WFDC1: variants seen among roughly 807,000 people sequenced by gnomAD.
WFDC1 encodes WAP four-disulfide core domain protein 1.
WFDC1 carries 39 observed loss-of-function variants against 32.9 expected under a neutral mutation model. That is an observed-to-expected ratio of 1.19 (90% CI 0.92 to 1.55). WFDC1 has a LOEUF of 1.55. WFDC1 is among the 40% of genes most tolerant of loss of function. The probability of loss-of-function intolerance (pLI) is 0.00; values close to 1 mark genes in which losing one functional copy is unlikely to be tolerated. For missense variants in WFDC1, 386 were observed against 309.5 expected (o/e 1.25, Z -1.85); for synonymous variants, 184 against 137.4 (o/e 1.34, Z -2.37).
chr16:84,318,176 C>T (rs1219068752), intron 2 of WFDC1, 96 bp from the exon 3 acceptor site: 2 of 1,108,336 alleles, frequency 1.8e-6, no homozygotes, highest in East Asian at 4.8e-5. Flanking sequence ...TGGGGAGCCT[C>T]TGTGCTGTCA....
chr16:84,319,850 C>T lies in WFDC1; in HGVS notation c.562+279C>T, dbSNP rs564868106. On this transcript the variant is annotated intron_variant, in intron 4 of 6. Coordinates refer to ENST00000219454, the MANE Select transcript of WFDC1 (RefSeq NM_021197.4). ...TGGGCGACACTGGGGTTAATTTCTTCCTATCTCTGAGCCTCAGTTTCCTCA... is the reference window on the plus strand; with the variant it reads ...TGGGCGACACTGGGGTTAATTTCTTTCTATCTCTGAGCCTCAGTTTCCTCA... Among the ~76,000 whole-genome samples the T allele has an allele frequency of 4.6e-5, 7 of 152,320 alleles. No individual in the cohort carries two copies. The East Asian group carries it at 1.2e-3, about 25-fold the overall frequency.
intron 1 of WFDC1, among the ~76,000 whole-genome samples, chr16:84,301,425 A>G (rs1231767576): frequency 2.0e-5 from 3 of 152,192 alleles, no homozygotes; most frequent in African/African-American, 4.8e-5. Context: ...GCTGGGGACA[A>G]GTGGGGCTAT....
chr16:84,305,414 A>G (rs913867525), intron 1 of WFDC1, among the ~76,000 whole-genome samples: 5 of 151,858 alleles, frequency 3.3e-5, no homozygotes, highest in African/African-American at 1.2e-4. Flanking sequence ...TCTCTTAGGA[A>G]CTCTGCGAGT....
intron 2 of WFDC1, among the ~76,000 whole-genome samples, chr16:84,315,048 C>T (rs1468125161): frequency 1.3e-5 from 2 of 152,236 alleles, no homozygotes; most frequent in African/African-American, 4.8e-5. Context: ...GCAGGCAGAC[C>T]TGCAGTTTCC....
chr16:84,311,703 T>TTTC (rs1372981764), intron 1 of WFDC1, among the ~76,000 whole-genome samples: 1 of 144,504 alleles, frequency 6.9e-6, no homozygotes, highest in East Asian at 2.0e-4. Context: ...TGCTTTTTTT[T>TTTC]TTTTTTTTTT....
intron 1 of WFDC1, among the ~76,000 whole-genome samples, chr16:84,296,003 T>C (rs999487538): frequency 2.0e-5 from 3 of 152,082 alleles, no homozygotes; most frequent in Non-Finnish European, 4.4e-5. Context: ...TATGTGCAGA[T>C]TGCAAGTGCT....
At position 84,303,336 on chromosome 16, in the gene WFDC1, C is replaced by T. The variant is rs530841239; in HGVS notation, c.144+8221C>T. ...TTCCAAAGAAGGGTAAAAGCTCCTG[C>T]ATGTGGAAGGAAGGGGGTGGTGAGC... is the stretch of plus-strand genomic sequence containing the variant. On this transcript the variant is annotated intron_variant, in intron 1 of 6. Coordinates refer to ENST00000219454, the MANE Select transcript of WFDC1 (RefSeq NM_021197.4). 1.7e-3 allele frequency among the ~76,000 whole-genome samples: 258 copies of T among 152,134 alleles called. 1 individual carries two copies. Among genetic ancestry groups the T allele is most frequent in the Non-Finnish European group, 2.6e-3 (180 of 67,996 alleles).
chr16:84,309,326 G>C (rs1385108170), intron 1 of WFDC1, among the ~76,000 whole-genome samples: 1 of 152,136 alleles, frequency 6.6e-6, no homozygotes, highest in African/African-American at 2.4e-5. Flanking sequence ...TGGGGAGCTG[G>C]GACTTTGTCC....
At chr16:84,315,951 C>T (rs927388129) in intron 2 of WFDC1, 1 of 152,200 alleles carries the variant, frequency 6.6e-6, no homozygotes, top group Non-Finnish European at 1.5e-5. Context: ...GGCCACCAGG[C>T]CTTTAAGGGT....
In WFDC1 at chr16:84,313,092, C is replaced by T; in HGVS notation, c.276C>T (p.His92=). ...AGGCGGACTCCGAGTGCCCGCGGCA[C>T]CGGCGCTGCTGCTACAACGGATGCG... ...RCQADSECPR[H]RRCCYNGCAY... The change falls in exon 2 of 7, where the codon CAC becomes CAT. Residue 92 remains histidine, a synonymous_variant. Transcript: ENST00000219454. 1.4e-6 allele frequency: 2 copies of T among 1,431,760 alleles called. No individual in the cohort carries two copies. The highest frequency in any genetic ancestry group is 9.1e-7 in the Non-Finnish European group (1 of 1,098,014). The allele number at this position is 1,431,760 out of a possible 1,614,324, so 88.7% of individuals were successfully genotyped here.
At chr16:84,300,703 C>T (rs888464683) in intron 1 of WFDC1, among the ~76,000 whole-genome samples, 3 of 152,168 alleles carry the variant, frequency 2.0e-5, no homozygotes, top group African/African-American at 7.2e-5. Context: ...GGCATGGTGG[C>T]CCACGCCTGT....
At chr16:84,326,472 A>G (rs1908608555) in intron 5 of WFDC1, 1 of 179,430 alleles carries the variant, frequency 5.6e-6, no homozygotes, top group Non-Finnish European at 1.2e-5. Flanking sequence ...CCTTCCTGAC[A>G]TCACATGCTG....
chr16:84,303,408 G>A (rs760895986), intron 1 of WFDC1, among the ~76,000 whole-genome samples: 12 of 151,858 alleles, frequency 7.9e-5, no homozygotes, highest in Non-Finnish European at 1.8e-4. Context: ...CTGGAGATTG[G>A]ATTCTTTTTC....
chr16:84,319,718 C>G, intron 4 of WFDC1, 147 bp downstream of exon 4: 1 of 1,104,808 alleles, frequency 9.1e-7, no homozygotes, highest in Non-Finnish European at 1.3e-6. Context: ...TTCCCCCTGC[C>G]CGGCTCCTTC....
chr16:84,296,250 T>A (rs574859123), intron 1 of WFDC1, among the ~76,000 whole-genome samples: 1 of 152,256 alleles, frequency 6.6e-6, no homozygotes, highest in Non-Finnish European at 1.5e-5. Context: ...CAGTGCATCT[T>A]GGCAGCTTTC....
intron 5 of WFDC1, chr16:84,326,601 T>C: frequency 2.4e-6 from 1 of 411,932 alleles, no homozygotes; most frequent in Non-Finnish European, 4.5e-6. Flanking sequence ...GTGAAGCTCT[T>C]GAGGTCGGAA....
At chr16:84,318,492 T>G in intron 3 of WFDC1, 137 bp downstream of exon 3, 2 of 792,026 alleles carry the variant, frequency 2.5e-6, no homozygotes, top group Non-Finnish European at 4.3e-6. Flanking sequence ...CCCTCTTTGA[T>G]CCTCCCCACC....
At chr16:84,298,535 C>T (rs2151364252) in intron 1 of WFDC1, among the ~76,000 whole-genome samples, 2 of 152,306 alleles carry the variant, frequency 1.3e-5, no homozygotes, top group South Asian at 2.1e-4. Flanking sequence ...TCTTCCCACT[C>T]CCATTCAGTG....
intron 1 of WFDC1, among the ~76,000 whole-genome samples, chr16:84,303,314 C>T (rs1210002331): frequency 2.6e-5 from 4 of 152,020 alleles, no homozygotes; most frequent in Non-Finnish European, 4.4e-5. Flanking sequence ...TGGAACTTTC[C>T]AAAGAAGGGT....
Sources: gnomAD v4.1 joint callset for allele counts (sites outside exome capture counted in the v4.1 genomes callset) on GRCh38, gnomAD v4.1.1 for gene constraint, MANE v1.5 for transcripts, NCBI Gene and HGNC (gene_info 2026-07-23, HGNC 2026-07-21) for gene names.